LSM14A: variants seen among roughly 807,000 people sequenced by gnomAD.
LSM14A encodes protein LSM14 homolog A.
LSM14A carries 14 observed loss-of-function variants against 52.4 expected under a neutral mutation model. That is an observed-to-expected ratio of 0.27 (90% CI 0.18 to 0.42). The LOEUF (loss-of-function observed/expected upper bound fraction) is 0.42, where lower values mean the gene tolerates loss of function less well. Ranked by LOEUF, LSM14A falls within the 10% of genes least tolerant of loss-of-function variation. The pLI, the probability that LSM14A is intolerant of heterozygous loss-of-function variation, is 1.00. For synonymous variants in LSM14A, 185 were observed against 200.3 expected (o/e 0.92, Z 0.64); for missense variants, 417 against 581.8 (o/e 0.72, Z 2.91).
intron 4 of LSM14A, 102 bp downstream of exon 4, chr19:34,209,153 A>ATT: frequency 9.9e-7 from 1 of 1,010,862 alleles, no homozygotes; most frequent in Non-Finnish European, 1.4e-6. Context: ...CGCGTGTATA[A>ATT]TTTCTATTTG....
rs2145870872 is a variant in LSM14A, at chr19:34,219,830, T to C, written c.1089T>C (p.Tyr363=). ...ATCCACTTGGACCTAATTGCTATTA[T>C]GACAAAACTAAATCCTTCTTTGATA... ...EEDPLGPNCY[Y]DKTKSFFDNI... Residue 363 remains tyrosine, a synonymous_variant, in exon 8 of 10, where the codon TAT becomes TAC. Coordinates refer to ENST00000544216, the MANE Select transcript of LSM14A (RefSeq NM_015578.4). 1 of 1,613,542 alleles carries C rather than the reference T, an allele frequency of 6.2e-7. No individual in the cohort carries two copies. Among genetic ancestry groups the C allele is most frequent in the South Asian group, 1.1e-5 (1 of 91,036 alleles).
At chr19:34,193,387 C>G (rs950815063) in intron 1 of LSM14A, among the ~76,000 whole-genome samples, 2 of 152,130 alleles carry the variant, frequency 1.3e-5, no homozygotes, top group African/African-American at 4.8e-5. Context: ...TCTCAAACTC[C>G]TGGGCTCAAG....
intron 3 of LSM14A, 107 bp from the exon 4 acceptor site, chr19:34,208,822 G>A: frequency 1.4e-6 from 1 of 695,756 alleles, no homozygotes; most frequent in Non-Finnish European, 2.3e-6. Context: ...GATGCTGGGG[G>A]GAGAGGTAGA....
chr19:34,199,260 G>A (rs1159041093), intron 3 of LSM14A, among the ~76,000 whole-genome samples: 23 of 151,976 alleles, frequency 1.5e-4, no homozygotes, highest in Admixed American at 1.5e-3. Context: ...GAGTAGCTGG[G>A]ATTATAGGCA....
intron 6 of LSM14A, among the ~76,000 whole-genome samples, chr19:34,217,617 G>GTTTT (rs1568498334): frequency 8.2e-5 from 3 of 36,698 alleles, no homozygotes; most frequent in Non-Finnish European, 9.3e-5. Flanking sequence ...CCCCCCCCCC[G>GTTTT]TGTTTTTTTT....
chr19:34,198,020 TAAAAAA>T (rs143552235), intron 3 of LSM14A, among the ~76,000 whole-genome samples: 1 of 149,344 alleles, frequency 6.7e-6, no homozygotes, highest in African/African-American at 2.5e-5. Flanking sequence ...GAACAGCTTT[TAAAAAA>T]AAATCGCTTC....
intron 9 of LSM14A, among the ~76,000 whole-genome samples, chr19:34,223,823 C>T (rs768602889): frequency 1.3e-5 from 2 of 152,230 alleles, no homozygotes; most frequent in Non-Finnish European, 2.9e-5. Flanking sequence ...CTAGTATGAC[C>T]TTTCAGACCC....
At chr19:34,206,081 A>T (rs974149034) in intron 3 of LSM14A, among the ~76,000 whole-genome samples, 2 of 152,234 alleles carry the variant, frequency 1.3e-5, no homozygotes, top group Non-Finnish European at 2.9e-5. Context: ...TAAAATCTCA[A>T]TATCTCTATA....
chr19:34,227,488 A>T lies in LSM14A; in HGVS notation c.*100A>T, dbSNP rs185050606. 2.2e-6 allele frequency: 2 copies of T among 895,182 alleles called. No individual in the cohort carries two copies. The highest frequency in any genetic ancestry group is 2.8e-5 in the East Asian group (1 of 36,052). 55.5% of individuals were successfully genotyped at this position (895,182 alleles called of 1,614,324 possible). ...AAGAATGAAGAAGTGAATTCGCTGT[A>T]CATTTGTCACCAGCACTGGGTTTTT... On this transcript the variant is annotated 3_prime_UTR_variant, in exon 10 of 10. Transcript: ENST00000544216.
intron 3 of LSM14A, among the ~76,000 whole-genome samples, chr19:34,197,371 G>A (rs781346294): frequency 2.1e-4 from 31 of 150,382 alleles, no homozygotes; most frequent in Admixed American, 2.7e-4. Flanking sequence ...GATTACAGGT[G>A]TGAGCCACTG....
At chr19:34,214,765 A>G (rs2072449908) in intron 4 of LSM14A, among the ~76,000 whole-genome samples, 1 of 152,010 alleles carries the variant, frequency 6.6e-6, no homozygotes, top group South Asian at 2.1e-4. Flanking sequence ...TGACCTGACT[A>G]CAACATGATA....
intron 1 of LSM14A, among the ~76,000 whole-genome samples, chr19:34,192,632 C>CAAAAAAAAAAAAAAAAA (rs548374017): frequency 3.9e-5 from 3 of 76,950 alleles, no homozygotes; most frequent in South Asian, 6.1e-4. Flanking sequence ...ATCAGTTCTG[C>CAAAAAAAAAAAAAAAAA]AAAAAAAAAA....
At chr19:34,222,863 C>T (rs796140485) in intron 9 of LSM14A, among the ~76,000 whole-genome samples, 26 of 152,262 alleles carry the variant, frequency 1.7e-4, no homozygotes, top group African/African-American at 5.1e-4. Context: ...CAGAATAGCC[C>T]TCGCTTATCA....
intron 1 of LSM14A, among the ~76,000 whole-genome samples, chr19:34,190,305 A>G (rs1345343601): frequency 6.6e-6 from 1 of 152,058 alleles, no homozygotes; most frequent in Non-Finnish European, 1.5e-5. Flanking sequence ...TCATTAGAGC[A>G]TGTTTCTCAA....
intron 1 of LSM14A, among the ~76,000 whole-genome samples, chr19:34,177,893 A>G (rs1161141850): frequency 2.0e-5 from 3 of 151,998 alleles, no homozygotes; most frequent in Non-Finnish European, 2.9e-5. Context: ...AAAAATAACA[A>G]TGATAGCCTG....
At position 34,227,515 on chromosome 19, in the gene LSM14A, T is replaced by C. The variant is rs564100997; in HGVS notation, c.*127T>C. 5 of 718,556 alleles carry C rather than the reference T, an allele frequency of 7.0e-6. No homozygotes were observed. Among genetic ancestry groups the C allele is most frequent in the African/African-American group, 5.6e-5 (3 of 53,876 alleles). 44.5% of individuals were successfully genotyped at this position (718,556 alleles called of 1,614,324 possible). A position where few individuals can be genotyped will look rare whatever the true frequency, so the allele number is the denominator to read the frequency against. On this transcript the variant is annotated 3_prime_UTR_variant, in exon 10 of 10. Transcript: ENST00000544216. ...ATTTGTCACCAGCACTGGGTTTTTG[T>C]TTTTTGTTTGTTTTTCCGCTTAATT... is the stretch of plus-strand genomic sequence containing the variant.
intron 4 of LSM14A, among the ~76,000 whole-genome samples, chr19:34,214,748 CTG>C (rs1156469070): frequency 6.6e-6 from 1 of 151,566 alleles, no homozygotes; most frequent in African/African-American, 2.4e-5. Context: ...TGGCGAAAGC[CTG>C]TGTTTGACCT....
intron 3 of LSM14A, among the ~76,000 whole-genome samples, chr19:34,197,976 T>C (rs2070990275): frequency 6.6e-6 from 1 of 151,838 alleles, no homozygotes; most frequent in Non-Finnish European, 1.5e-5. Flanking sequence ...TTTGTTTTTA[T>C]AGCTATGCAT....
intron 1 of LSM14A, among the ~76,000 whole-genome samples, chr19:34,188,659 T>C (rs1434377634): frequency 6.6e-6 from 1 of 152,138 alleles, no homozygotes; most frequent in Non-Finnish European, 1.5e-5. Context: ...TCTGTCTCCA[T>C]GGTTTTTCCT....
Sources: gnomAD v4.1 joint callset for allele counts (sites outside exome capture counted in the v4.1 genomes callset) on GRCh38, gnomAD v4.1.1 for gene constraint, MANE v1.5 for transcripts, NCBI Gene and HGNC (gene_info 2026-07-23, HGNC 2026-07-21) for gene names.